NAALADL2: variants seen among roughly 807,000 people sequenced by gnomAD.
The protein encoded by NAALADL2 is N-acetylated alpha-linked acidic dipeptidase like 2.
NAALADL2 carries 76 observed loss-of-function variants against 87.2 expected under a neutral mutation model. The observed-to-expected ratio is 0.87, with a 90% CI of 0.72 to 1.05. NAALADL2 has a LOEUF of 1.05. Among genes scored for constraint, NAALADL2 ranks in the 50% least tolerant of loss-of-function variants. NAALADL2 has a pLI of 0.00. For missense variants in NAALADL2, 1,089 were observed against 945.8 expected, an observed-to-expected ratio of 1.15 and a Z score of -1.99; for synonymous variants, 354 against 331.0, an observed-to-expected ratio of 1.07 and a Z score of -0.75.
chr3:175,640,482 A>G (rs560171786), intron 11 of NAALADL2, among the ~76,000 whole-genome samples: 3 of 152,130 alleles, frequency 2.0e-5, no homozygotes, highest in Non-Finnish European at 4.4e-5. Flanking sequence ...AAATATTTTT[A>G]TTCTCCTTGT....
At chr3:174,871,929 G>T (rs1488625237) in intron 1 of NAALADL2, among the ~76,000 whole-genome samples, 1 of 148,700 alleles carries the variant, frequency 6.7e-6, no homozygotes, top group Non-Finnish European at 1.5e-5. Flanking sequence ...TAAATACCTT[G>T]TTTTAAGAAA....
At chr3:175,309,559 T>C (rs1050825362) in intron 4 of NAALADL2, among the ~76,000 whole-genome samples, 4 of 151,910 alleles carry the variant, frequency 2.6e-5, no homozygotes, top group Non-Finnish European at 4.4e-5. Flanking sequence ...AAAAAAATTA[T>C]AGAAGAACTA....
chr3:175,495,617 A>G (rs1728701520), intron 9 of NAALADL2, among the ~76,000 whole-genome samples: 1 of 151,970 alleles, frequency 6.6e-6, no homozygotes, highest in Non-Finnish European at 1.5e-5. Context: ...TGCTTAGTGA[A>G]TTGAATCTCT....
intron 2 of NAALADL2, among the ~76,000 whole-genome samples, chr3:174,731,759 G>A (rs1470548118): frequency 6.6e-6 from 1 of 152,106 alleles, no homozygotes; most frequent in Non-Finnish European, 1.5e-5. Flanking sequence ...TGTACTGCTA[G>A]TGCAAAAACT....
chr3:175,350,693 G>C (rs999714275), intron 5 of NAALADL2, among the ~76,000 whole-genome samples: 1 of 152,138 alleles, frequency 6.6e-6, no homozygotes, highest in Non-Finnish European at 1.5e-5. Context: ...TGAATTTTTT[G>C]TAGGGAGAAG....
chr3:175,273,718 ATGTG>A (rs530042501), intron 4 of NAALADL2, among the ~76,000 whole-genome samples: 2 of 147,652 alleles, frequency 1.4e-5, no homozygotes, highest in African/African-American at 2.5e-5. Flanking sequence ...ATGTGTGTGC[ATGTG>A]TGTGTGTGTG....
At chr3:174,663,354 A>G (rs761307359) in intron 2 of NAALADL2, among the ~76,000 whole-genome samples, 2 of 152,190 alleles carry the variant, frequency 1.3e-5, no homozygotes, top group African/African-American at 2.4e-5. Context: ...GCATTGCTAT[A>G]AAGGAAATAC....
At chr3:175,665,623 G>T (rs535611363) in intron 11 of NAALADL2, among the ~76,000 whole-genome samples, 1 of 152,050 alleles carries the variant, frequency 6.6e-6, no homozygotes, top group Non-Finnish European at 1.5e-5. Context: ...CATTATGATA[G>T]CATCTTAACA....
intron 8 of NAALADL2, among the ~76,000 whole-genome samples, chr3:175,471,416 A>C (rs567349075): frequency 4.7e-4 from 71 of 150,578 alleles, no homozygotes; most frequent in African/African-American, 1.6e-3. Flanking sequence ...TGAAACTTGC[A>C]GTGAGCTGAG....
chr3:174,934,086 CAA>C (rs1737306475), intron 1 of NAALADL2, among the ~76,000 whole-genome samples: 1 of 152,064 alleles, frequency 6.6e-6, no homozygotes, highest in Admixed American at 6.6e-5. Flanking sequence ...GTCCAACACA[CAA>C]GTTTGGAACA....
At chr3:175,437,477 C>T (rs1718895252) in intron 5 of NAALADL2, among the ~76,000 whole-genome samples, 1 of 137,840 alleles carries the variant, frequency 7.3e-6, no homozygotes, top group South Asian at 2.6e-4. Flanking sequence ...AAGAACATTC[C>T]ATGCTCATGG....
intron 1 of NAALADL2, among the ~76,000 whole-genome samples, chr3:174,984,509 T>C (rs550779062): frequency 1.3e-5 from 2 of 152,314 alleles, no homozygotes; most frequent in Admixed American, 1.3e-4. Flanking sequence ...GATCTTATTG[T>C]CAGTGCAAAA....
At chr3:174,932,889 G>A (rs1005845283) in intron 1 of NAALADL2, among the ~76,000 whole-genome samples, 9 of 152,174 alleles carry the variant, frequency 5.9e-5, no homozygotes, top group South Asian at 2.1e-4. Flanking sequence ...AGGCTGAGGC[G>A]GACGGGTCAC....
chr3:175,688,758 G>C (rs1040267615), intron 11 of NAALADL2, among the ~76,000 whole-genome samples: 1 of 152,082 alleles, frequency 6.6e-6, no homozygotes, highest in Non-Finnish European at 1.5e-5. Flanking sequence ...TGTCTTCAAG[G>C]TTTCTCCTTT....
At chr3:175,189,872 G>A (rs1737886659) in intron 2 of NAALADL2, among the ~76,000 whole-genome samples, 1 of 152,032 alleles carries the variant, frequency 6.6e-6, no homozygotes, top group South Asian at 2.1e-4. Flanking sequence ...AACAGACACA[G>A]GTAACAGAAA....
intron 1 of NAALADL2, among the ~76,000 whole-genome samples, chr3:175,026,482 TAAAA>T (rs59236659): frequency 1.2e-5 from 1 of 85,478 alleles, no homozygotes; most frequent in African/African-American, 4.5e-5. Flanking sequence ...CCGTCTCTAC[TAAAA>T]AAAAAAAAAA....
At chr3:175,172,775 TG>T (rs1172214255) in intron 2 of NAALADL2, among the ~76,000 whole-genome samples, 4 of 152,170 alleles carry the variant, frequency 2.6e-5, no homozygotes, top group Non-Finnish European at 5.9e-5. Context: ...GAGTTCTAAA[TG>T]GCATTTAGAA....
At chr3:175,699,424 A>G (rs1251368379) in intron 11 of NAALADL2, among the ~76,000 whole-genome samples, 1 of 152,036 alleles carries the variant, frequency 6.6e-6, no homozygotes, top group Non-Finnish European at 1.5e-5. Context: ...TACATGAAAC[A>G]TGCACTAGAT....
At chr3:175,239,306 T>A (rs760065249) in intron 3 of NAALADL2, among the ~76,000 whole-genome samples, 19 of 152,176 alleles carry the variant, frequency 1.2e-4, no homozygotes, top group Non-Finnish European at 2.4e-4. Context: ...TGATTTGTAT[T>A]TTTCTTAAAA....
Sources: gnomAD v4.1 joint callset for allele counts (sites outside exome capture counted in the v4.1 genomes callset) on GRCh38, gnomAD v4.1.1 for gene constraint, MANE v1.5 for transcripts, NCBI Gene and HGNC (gene_info 2026-07-23, HGNC 2026-07-21) for gene names.